The following TRIM67 variants were observed in gnomAD, a reference collection of about 807,000 sequenced individuals.
The protein encoded by TRIM67 is tripartite motif containing 67.
A neutral mutation model predicts 71.0 loss-of-function variants in TRIM67; 39 were observed. The ratio of observed to expected loss-of-function variants is 0.55; its 90% confidence interval spans 0.43 to 0.72. The LOEUF is 0.72. Ranked by LOEUF, TRIM67 falls within the 30% of genes least tolerant of loss-of-function variation. TRIM67 has a pLI of 0.00. For synonymous variants in TRIM67, 481 were observed against 473.9 expected, an observed-to-expected ratio of 1.01 and a Z score of -0.19; for missense variants, 973 against 1,079.2, an observed-to-expected ratio of 0.90 and a Z score of 1.38.
chr1:231,190,148 A>G (rs1378324918), intron 1 of TRIM67, among the ~76,000 whole-genome samples: 1 of 152,192 alleles, frequency 6.6e-6, no homozygotes, highest in Admixed American at 6.5e-5. Context: ...GATTCAGGGA[A>G]AGGCAGATCC....
intron 1 of TRIM67, among the ~76,000 whole-genome samples, chr1:231,193,549 T>TCTCTCTCTCTCTCC (rs1491266382): frequency 1.4e-5 from 2 of 146,008 alleles, no homozygotes; most frequent in African/African-American, 5.1e-5. Flanking sequence ...TCTCTCTCTC[T>TCTCTCTCTCTCTCC]CCTCTTGGTG....
intron 1 of TRIM67, among the ~76,000 whole-genome samples, chr1:231,169,368 C>CTCTT (rs1558289683): frequency 1.2e-5 from 1 of 81,660 alleles, no homozygotes; most frequent in Admixed American, 1.6e-4. Flanking sequence ...ATTCTTTTCT[C>CTCTT]TTTTTTTTTT....
At chr1:231,214,971 AAG>A (rs1213096103) in intron 9 of TRIM67, among the ~76,000 whole-genome samples, 1 of 152,160 alleles carries the variant, frequency 6.6e-6, no homozygotes, top group African/African-American at 2.4e-5. Flanking sequence ...TCCAAAAAAT[AAG>A]AGGTTGGCTA....
At chr1:231,169,619 T>C (rs1273892734) in intron 1 of TRIM67, among the ~76,000 whole-genome samples, 1 of 152,070 alleles carries the variant, frequency 6.6e-6, no homozygotes, top group Non-Finnish European at 1.5e-5. Context: ...CCCCAGGTGA[T>C]CCACCTGCCT....
rs368412114 is a variant in TRIM67, at chr1:231,197,486, C to G, written c.1140+20C>G. On this transcript the variant is annotated intron_variant, in intron 2 of 9. Transcript: ENST00000366653. Reference sequence around the variant, plus strand: ...ATCCAGGTGAGCACAGCTCTGGCGTCGGGAGAAATACTCAGTGTTGAAAGT... The same window carrying G: ...ATCCAGGTGAGCACAGCTCTGGCGTGGGGAGAAATACTCAGTGTTGAAAGT... 3 of 1,607,022 alleles carry G rather than the reference C, an allele frequency of 1.9e-6. No homozygotes were observed. The East Asian group carries it at 6.7e-5, about 36-fold the overall frequency.
intron 1 of TRIM67, among the ~76,000 whole-genome samples, chr1:231,190,453 C>G (rs1219249348): frequency 6.6e-6 from 1 of 152,318 alleles, no homozygotes; most frequent in Admixed American, 6.5e-5. Context: ...CTCTGGGCCA[C>G]AGCCACTGCA....
intron 1 of TRIM67, among the ~76,000 whole-genome samples, chr1:231,188,480 T>C (rs896525507): frequency 6.6e-6 from 1 of 152,094 alleles, no homozygotes; most frequent in Non-Finnish European, 1.5e-5. Context: ...TGGAAGATGG[T>C]GGGTGGTCTC....
In TRIM67 at chr1:231,215,967, T is replaced by C. The variant is rs1242721230; in HGVS notation, c.*527T>C. Reference sequence around the variant, plus strand: ...TTTAGCTTCTTGGTCCTAGAGTCTTTAGTAGCACCTGCCACTTGCAGACCC... The same window carrying C: ...TTTAGCTTCTTGGTCCTAGAGTCTTCAGTAGCACCTGCCACTTGCAGACCC... On this transcript the variant is annotated 3_prime_UTR_variant, in exon 10 of 10. Transcript: ENST00000366653. The C allele has an allele frequency of 5.1e-6, 5 of 986,140 alleles. No individual in the cohort carries two copies. The African/African-American group carries it at 7.0e-5, about 14-fold the overall frequency. The allele number at this position is 986,140 out of a possible 1,614,324, so 61.1% of individuals were successfully genotyped here. A position where few individuals can be genotyped will look rare whatever the true frequency, so the allele number is the denominator to read the frequency against.
At position 231,201,436 on chromosome 1, in the gene TRIM67, G is replaced by T; in HGVS notation, c.1453G>T (p.Ala485Ser). The T allele has an allele frequency of 6.2e-7, 1 of 1,613,712 alleles. No homozygotes were observed. Among genetic ancestry groups the T allele is most frequent in the Non-Finnish European group, 8.5e-7 (1 of 1,179,788 alleles). The change falls in exon 5 of 10, where the codon GCG (alanine) becomes TCG (serine). Residue 485 changes from alanine to serine, a missense_variant. Ala to Ser is a moderately conservative substitution (Grantham distance 99). Around this residue, in one of 2 missense-constraint regions of TRIM67, gnomAD observed 795 missense variants for 831.3 expected, o/e 0.96. Transcript: ENST00000366653. ...AGGCGCCCTGGAGCCGAAAGTGTCT[G>T]CGGAGTTTGATCTGACTTTGGACAG... ...VKGALEPKVSAEFDLTLDSEP... is the reference protein window; with the variant it reads ...VKGALEPKVSSEFDLTLDSEP...
chr1:231,211,999 G>A (rs1683885519), intron 8 of TRIM67, among the ~76,000 whole-genome samples: 1 of 152,140 alleles, frequency 6.6e-6, no homozygotes, highest in Admixed American at 6.5e-5. Context: ...ACTTTGAGAC[G>A]AATTAAGAGT....
intron 2 of TRIM67, among the ~76,000 whole-genome samples, chr1:231,198,345 T>C (rs1683425370): frequency 6.6e-6 from 1 of 152,092 alleles, no homozygotes; most frequent in South Asian, 2.1e-4. Context: ...GAACTGCTCA[T>C]AAGATGAGAA....
intron 1 of TRIM67, among the ~76,000 whole-genome samples, chr1:231,171,931 T>TA (rs796765873): frequency 3.9e-5 from 6 of 152,132 alleles, no homozygotes; most frequent in African/African-American, 1.4e-4. Flanking sequence ...TGCTTCTCTA[T>TA]AAAAAATAAA....
In TRIM67 at chr1:231,176,389, G is replaced by A. The variant is rs532943916; in HGVS notation, c.1044+12376G>A. Among the ~76,000 whole-genome samples the A allele has an allele frequency of 4.6e-5, 7 of 152,336 alleles. No individual in the cohort carries two copies. In the East Asian group the frequency reaches 1.4e-3, roughly 29 times the overall value. Reference sequence around the variant, plus strand: ...GTGAATTTCCCCCAGAGATTAGGAAGGGGAAGAGGGAAAGAGTGGTAAGTG... The same window carrying A: ...GTGAATTTCCCCCAGAGATTAGGAAAGGGAAGAGGGAAAGAGTGGTAAGTG... On this transcript the variant is annotated intron_variant, in intron 1 of 9. Coordinates refer to ENST00000366653, the MANE Select transcript of TRIM67 (RefSeq NM_001004342.5).
chr1:231,174,373 G>A (rs1052833299), intron 1 of TRIM67, among the ~76,000 whole-genome samples: 2 of 145,816 alleles, frequency 1.4e-5, no homozygotes, highest in Non-Finnish European at 1.5e-5. Flanking sequence ...TTGCTATGTT[G>A]CCTAGGCTGG....
chr1:231,162,955 G>A lies in TRIM67; in HGVS notation c.-15G>A. The A allele has an allele frequency of 6.2e-7, 1 of 1,608,328 alleles. No homozygotes were observed. The highest frequency in any genetic ancestry group is 8.5e-7 in the Non-Finnish European group (1 of 1,178,184). Reference sequence around the variant, plus strand: ...TCATCCCCAGCGCAGAGCAGCGCTGGCAGCCGGCGCCGCGATGGAGGAAGA... The same window carrying A: ...TCATCCCCAGCGCAGAGCAGCGCTGACAGCCGGCGCCGCGATGGAGGAAGA... On this transcript the variant is annotated 5_prime_UTR_variant, in exon 1 of 10. An upstream open reading frame in the 5' UTR gains an earlier in-frame stop. Transcript: ENST00000366653.
Position 231,205,013 on chromosome 1 carries a change from TCA to T in TRIM67, c.1680+1003_1680+1004del, listed in dbSNP as rs550710853. ...CCGGGTCACTGAGTGCAGACCCCAG[TCA>T]CTCCTGTTGTGCAAATCAGCCAAGA... On this transcript the variant is annotated intron_variant, in intron 6 of 9. Coordinates refer to ENST00000366653, the MANE Select transcript of TRIM67 (RefSeq NM_001004342.5). Among the ~76,000 whole-genome samples the T allele has an allele frequency of 5.9e-5, 9 of 152,288 alleles. No homozygotes were observed. In the East Asian group the frequency reaches 1.7e-3, roughly 29 times the overall value.
At chr1:231,202,350 G>C (rs1005719117) in intron 5 of TRIM67, among the ~76,000 whole-genome samples, 1 of 151,746 alleles carries the variant, frequency 6.6e-6, no homozygotes, top group Non-Finnish European at 1.5e-5. Flanking sequence ...GAATCTAGGC[G>C]AAGAGTTTTG....
chr1:231,207,232 T>C (rs1683728889), intron 7 of TRIM67, among the ~76,000 whole-genome samples: 1 of 151,840 alleles, frequency 6.6e-6, no homozygotes, highest in Non-Finnish European at 1.5e-5. Flanking sequence ...GGCTGAGGAG[T>C]GAGTAGGACA....
At position 231,217,475 on chromosome 1, in the gene TRIM67, G is replaced by A. The variant is rs1316727381; in HGVS notation, c.*2035G>A. 28 of 999,210 alleles carry A rather than the reference G, an allele frequency of 2.8e-5. No homozygotes were observed. The highest frequency in any genetic ancestry group is 3.3e-5 in the Non-Finnish European group (28 of 838,292). The allele number at this position is 999,210 out of a possible 1,614,324, so 61.9% of individuals were successfully genotyped here. ...GCTTCATCCTTAGCCATAGCTCTGG[G>A]TGGCCTTTGCTTGGAGCATGGAGAC... On this transcript the variant is annotated 3_prime_UTR_variant, in exon 10 of 10. Coordinates refer to ENST00000366653, the MANE Select transcript of TRIM67 (RefSeq NM_001004342.5).
Sources: gnomAD v4.1 joint callset for allele counts (sites outside exome capture counted in the v4.1 genomes callset) on GRCh38, gnomAD v4.1.1 for gene constraint, gnomAD v4.1.1 regional missense constraint, MANE v1.5 for transcripts, NCBI Gene and HGNC (gene_info 2026-07-23, HGNC 2026-07-21) for gene names.